DNAH12: variants seen among roughly 807,000 people sequenced by gnomAD.
DNAH12 encodes the protein dynein axonemal heavy chain 12.
Under a neutral mutation model 371.5 loss-of-function variants are expected in DNAH12, and 285 were observed. The observed-to-expected ratio is 0.77, with a 90% CI of 0.70 to 0.85. The LOEUF is 0.85. DNAH12 is among the 40% of genes least tolerant of loss of function. The probability of loss-of-function intolerance (pLI) is 0.00; values close to 1 mark genes in which losing one functional copy is unlikely to be tolerated. For missense variants in DNAH12, 3,611 were observed against 3,689.4 expected (o/e 0.98, Z 0.55); for synonymous variants, 1,200 against 1,213.0 (o/e 0.99, Z 0.22).
Position 57,293,959 on chromosome 3 carries a change from C to A in DNAH12, c.11705G>T (p.Arg3902Leu), listed in dbSNP as rs542307806. 7 of 1,373,020 alleles carry A rather than the reference C, an allele frequency of 5.1e-6. No homozygotes were observed. In the South Asian group the frequency reaches 5.3e-5, roughly 10 times the overall value. The allele number at this position is 1,373,020 out of a possible 1,614,324, so 85.1% of individuals were successfully genotyped here. A position where few individuals can be genotyped will look rare whatever the true frequency, so the allele number is the denominator to read the frequency against. The change falls in exon 74 of 74, where the codon CGG (arginine) becomes CTG (leucine). Residue 3902 changes from arginine to leucine, a missense_variant. Physicochemically the swap from Arg to Leu is moderately radical, Grantham distance 102. Around this residue, in one of 3 missense-constraint regions of DNAH12, gnomAD observed 2,266 missense variants for 2,236.9 expected, o/e 1.01. Transcript: ENST00000495027. ...IIWIKPTQKS[R>L]IIKSDAYVCP... The stretch of plus-strand genomic sequence containing the variant: ...GACATAGGCATCCGACTTTATAATC[C>A]GAGATTTTTGAGCTTGAAAAAAAAA...
chr3:57,427,423 A>G (rs113814972), intron 34 of DNAH12, among the ~76,000 whole-genome samples: 3,001 of 151,870 alleles, frequency 0.02, 83 homozygotes, highest in African/African-American at 0.068. Context: ...GCGGTTGCTC[A>G]TGCCTGTAAT....
intron 2 of DNAH12, among the ~76,000 whole-genome samples, chr3:57,540,145 G>A (rs960927285): frequency 2.0e-5 from 3 of 151,772 alleles, no homozygotes; most frequent in Non-Finnish European, 4.4e-5. Flanking sequence ...CCACCTCCCC[G>A]GTTCAAGCTA....
intron 55 of DNAH12, among the ~76,000 whole-genome samples, chr3:57,372,864 C>T (rs964048847): frequency 6.6e-6 from 1 of 152,058 alleles, no homozygotes; most frequent in Admixed American, 6.6e-5. Flanking sequence ...TCAATAATTC[C>T]ACTAAATGTA....
intron 11 of DNAH12, among the ~76,000 whole-genome samples, chr3:57,496,539 T>C (rs1298341178): frequency 6.6e-6 from 1 of 152,208 alleles, no homozygotes; most frequent in Non-Finnish European, 1.5e-5. Context: ...AAAGGGCATC[T>C]ACCAAAAACC....
intron 4 of DNAH12, among the ~76,000 whole-genome samples, chr3:57,517,836 T>G (rs1431717180): frequency 2.6e-5 from 4 of 151,530 alleles, no homozygotes; most frequent in African/African-American, 7.3e-5. Flanking sequence ...CCCTTTCAGC[T>G]CAGGAGTGAG....
chr3:57,550,105 G>A, the DNAH12 span, among the ~76,000 whole-genome samples: 1 of 152,110 alleles, frequency 6.6e-6, no homozygotes, highest in Middle Eastern at 3.4e-3. Flanking sequence ...GGCCAGGAGT[G>A]CAAGACCAGC....
chr3:57,309,679 T>A lies in DNAH12; in HGVS notation c.11072A>T (p.Asp3691Val). The A allele has an allele frequency of 6.6e-7, 1 of 1,518,884 alleles. No homozygotes were observed. The highest frequency in any genetic ancestry group is 8.8e-7 in the Non-Finnish European group (1 of 1,135,834). 94.1% of individuals were successfully genotyped at this position (1,518,884 alleles called of 1,614,324 possible). Residue 3691 changes from aspartate (D) to valine (V), a missense_variant, in exon 68 of 74, where the codon GAT (aspartate) becomes GTT (valine). Around this residue, in one of 3 missense-constraint regions of DNAH12, gnomAD observed 2,266 missense variants for 2,236.9 expected, o/e 1.01. Coordinates refer to ENST00000495027, the MANE Select transcript of DNAH12 (RefSeq NM_001366028.2). ...GCTGAACATTACCTTGTTGAGGATATCTTTGGTAATTTCTAACAGAATCTG... is the reference window on the plus strand; with the variant it reads ...GCTGAACATTACCTTGTTGAGGATAACTTTGGTAATTTCTAACAGAATCTG... ...TDQILLEITK[D>V]ILNKLPSDFD...
At chr3:57,445,085 C>G in intron 28 of DNAH12, 89 bp downstream of exon 28, 1 of 1,379,300 alleles carries the variant, frequency 7.3e-7, no homozygotes. Context: ...TCAACCCTCT[C>G]AAGTGCCTAT....
At chr3:57,427,233 T>A (rs1446330944) in intron 34 of DNAH12, among the ~76,000 whole-genome samples, 2 of 151,460 alleles carry the variant, frequency 1.3e-5, no homozygotes, top group Non-Finnish European at 2.9e-5. Context: ...TGTTCTAACC[T>A]GAGGAACCTA....
chr3:57,502,295 G>T, intron 10 of DNAH12, 28 bp downstream of exon 10: 6 of 1,607,882 alleles, frequency 3.7e-6, no homozygotes, highest in Non-Finnish European at 4.3e-6. Flanking sequence ...GATGACAAAT[G>T]GTATAATATT....
chr3:57,360,797 CTTTT>C (rs1194015902), intron 58 of DNAH12, among the ~76,000 whole-genome samples: 1 of 152,096 alleles, frequency 6.6e-6, no homozygotes, highest in Non-Finnish European at 1.5e-5. Context: ...GTTTAGCTTT[CTTTT>C]TATTTTTTAA....
intron 40 of DNAH12, among the ~76,000 whole-genome samples, chr3:57,406,902 C>CT (rs1192831342): frequency 1.8e-4 from 28 of 151,464 alleles, no homozygotes; most frequent in East Asian, 3.9e-4. Context: ...AACAAAAAAA[C>CT]TTTTTTTTTA....
intron 11 of DNAH12, chr3:57,498,408 C>G (rs1472730931): frequency 1.4e-6 from 1 of 695,348 alleles, no homozygotes; most frequent in African/African-American, 1.8e-5. Flanking sequence ...ACTCGAACTC[C>G]TAGGCTCCAG....
At chr3:57,297,731 T>A (rs541367363) in intron 70 of DNAH12, among the ~76,000 whole-genome samples, 1 of 152,302 alleles carries the variant, frequency 6.6e-6, no homozygotes, top group South Asian at 2.1e-4. Context: ...TTCATGGTCT[T>A]CTTTCTGTAC....
At chr3:57,361,442 C>CTATATAT (rs1363525166) in intron 58 of DNAH12, among the ~76,000 whole-genome samples, 2 of 107,762 alleles carry the variant, frequency 1.9e-5, no homozygotes, top group South Asian at 5.3e-4. Context: ...TACACACACA[C>CTATATAT]ACTATATATA....
In DNAH12 at chr3:57,433,516, GA is replaced by G. The variant is rs762146564; in HGVS notation, c.4840-10del. On this transcript the variant is annotated splice_polypyrimidine_tract_variant and intron_variant, in intron 31 of 73. Coordinates refer to ENST00000495027, the MANE Select transcript of DNAH12 (RefSeq NM_001366028.2). ...ACAATACCATCAGTCCACTGAGGAG[GA>G]AAAAAAAGAATTAAAAAGCTCTCCT... 40 of 1,539,092 alleles carry G rather than the reference GA, an allele frequency of 2.6e-5. No individual in the cohort carries two copies. Among genetic ancestry groups the G allele is most frequent in the South Asian group, 8.6e-5 (7 of 81,014 alleles).
At chr3:57,324,589 A>G (rs569682261) in intron 62 of DNAH12, among the ~76,000 whole-genome samples, 2 of 152,218 alleles carry the variant, frequency 1.3e-5, no homozygotes, top group Admixed American at 1.3e-4. Context: ...TGGGGGGAGG[A>G]GCCAAGATGG....
intron 4 of DNAH12, among the ~76,000 whole-genome samples, chr3:57,520,525 C>T (rs917534047): frequency 6.6e-6 from 1 of 150,878 alleles, no homozygotes; most frequent in African/African-American, 2.4e-5. Context: ...TCACTGCAAG[C>T]TCCGCCTCCC....
At chr3:57,368,650 C>T (rs1471498975) in intron 55 of DNAH12, among the ~76,000 whole-genome samples, 5 of 152,092 alleles carry the variant, frequency 3.3e-5, no homozygotes, top group Non-Finnish European at 7.4e-5. Context: ...ATTTGATAAA[C>T]ATTTAAAACA....
Sources: allele counts gnomAD v4.1 joint callset (sites outside exome capture counted in the v4.1 genomes callset), GRCh38; gene constraint gnomAD v4.1.1; regional missense constraint gnomAD v4.1.1; transcripts MANE v1.5; gene names NCBI Gene and HGNC (gene_info 2026-07-23, HGNC 2026-07-21).